Variants in PPP1R12A observed in about 807,000 individuals in gnomAD.
PPP1R12A encodes myosin binding subunit.
A neutral mutation model predicts 139.6 loss-of-function variants in PPP1R12A; 19 were observed. The ratio of observed to expected loss-of-function variants is 0.14; its 90% confidence interval spans 0.09 to 0.20. The LOEUF (loss-of-function observed/expected upper bound fraction) is 0.20, where lower values mean the gene tolerates loss of function less well. Among genes scored for constraint, PPP1R12A ranks in the 10% least tolerant of loss-of-function variants. The probability of loss-of-function intolerance (pLI) is 1.00; values close to 1 mark genes in which losing one functional copy is unlikely to be tolerated. For synonymous variants in PPP1R12A, 427 were observed against 420.6 expected (o/e 1.02, Z -0.19); for missense variants, 925 against 1,211.5 (o/e 0.76, Z 3.51).
At chr12:79,932,631 C>T (rs999159969) in intron 1 of PPP1R12A, among the ~76,000 whole-genome samples, 1 of 151,978 alleles carries the variant, frequency 6.6e-6, no homozygotes, top group Non-Finnish European at 1.5e-5. Context: ...AAACAAAATA[C>T]CCAATAAAGA....
intron 13 of PPP1R12A, 63 bp downstream of exon 13, chr12:79,806,102 CA>C (rs1873795779): frequency 7.3e-6 from 11 of 1,503,310 alleles, no homozygotes; most frequent in Non-Finnish European, 9.9e-6. Flanking sequence ...ATCTTCTAAA[CA>C]AAAACGCATG....
At position 79,773,919 on chromosome 12, in the gene PPP1R12A, C is replaced by T. The variant is rs769417798; in HGVS notation, c.*2010G>A. ...TAGTTTCATGCAGAAACAAGGTCTG[C>T]TCAATACTACCAATAAAATCAATAT... is the stretch of plus-strand genomic sequence containing the variant. On this transcript the variant is annotated 3_prime_UTR_variant, in exon 25 of 25. Transcript: ENST00000450142. 1 of 152,102 alleles carries T rather than the reference C, an allele frequency of 6.6e-6. No homozygotes were observed. The highest frequency in any genetic ancestry group is 2.1e-4 in the South Asian group (1 of 4,820). 9.4% of individuals were successfully genotyped at this position (152,102 alleles called of 1,614,324 possible). A position where few individuals can be genotyped will look rare whatever the true frequency, so the allele number is the denominator to read the frequency against.
chr12:79,880,488 T>C (rs1361607370), intron 1 of PPP1R12A, among the ~76,000 whole-genome samples: 2 of 152,214 alleles, frequency 1.3e-5, no homozygotes, highest in Non-Finnish European at 2.9e-5. Flanking sequence ...AAGACTGTAG[T>C]TGTACTACAG....
chr12:79,881,744 T>C (rs1883658679), intron 1 of PPP1R12A, among the ~76,000 whole-genome samples: 1 of 152,206 alleles, frequency 6.6e-6, no homozygotes, highest in Non-Finnish European at 1.5e-5. Context: ...AGCACTTTTA[T>C]AGCTTGAGAG....
At chr12:79,881,876 T>C (rs116230456) in intron 1 of PPP1R12A, among the ~76,000 whole-genome samples, 1 of 152,074 alleles carries the variant, frequency 6.6e-6, no homozygotes, top group Non-Finnish European at 1.5e-5. Flanking sequence ...AAATCCTAGG[T>C]CCCTTATGAA....
intron 1 of PPP1R12A, among the ~76,000 whole-genome samples, chr12:79,880,119 T>C (rs950160622): frequency 6.6e-6 from 1 of 152,198 alleles, no homozygotes; most frequent in African/African-American, 2.4e-5. Context: ...AAAGTATATA[T>C]GCCAAGATCG....
chr12:79,798,695 A>G (rs1033396805), intron 14 of PPP1R12A, 111 bp from the exon 15 acceptor site: 2 of 492,650 alleles, frequency 4.1e-6, no homozygotes, highest in African/African-American at 3.9e-5. Context: ...AGTAAGTTTT[A>G]AGGAAAAGTC....
chr12:79,844,190 T>A (rs1210539108), intron 3 of PPP1R12A, among the ~76,000 whole-genome samples: 1 of 152,208 alleles, frequency 6.6e-6, no homozygotes, highest in Non-Finnish European at 1.5e-5. Flanking sequence ...AATGAAACTC[T>A]GTGCCCGTTA....
chr12:79,820,694 A>T (rs1875996326), intron 8 of PPP1R12A, 80 bp downstream of exon 8: 5 of 1,495,334 alleles, frequency 3.3e-6, no homozygotes, highest in Non-Finnish European at 3.6e-6. Context: ...AGTCTGAAAA[A>T]TTTAAAAATT....
chr12:79,829,469 G>A (rs576634111), intron 4 of PPP1R12A, among the ~76,000 whole-genome samples: 4 of 152,134 alleles, frequency 2.6e-5, no homozygotes, highest in African/African-American at 7.2e-5. Flanking sequence ...ACCATCTGAA[G>A]GGCTTGTTTT....
chr12:79,892,813 G>A (rs1194914968), intron 1 of PPP1R12A, among the ~76,000 whole-genome samples: 2 of 152,088 alleles, frequency 1.3e-5, no homozygotes, highest in African/African-American at 4.8e-5. Context: ...GTTAATAAAT[G>A]CTCTTTGAGG....
intron 1 of PPP1R12A, among the ~76,000 whole-genome samples, chr12:79,930,003 T>A (rs1232385349): frequency 6.6e-6 from 1 of 152,200 alleles, no homozygotes; most frequent in Non-Finnish European, 1.5e-5. Context: ...GAGCATCTAC[T>A]ATGTGCTAGG....
rs189022906 is a variant in PPP1R12A, at chr12:79,814,441, C to T, written c.1239+2953G>A. 2.5e-3 allele frequency among the ~76,000 whole-genome samples: 328 copies of T among 132,520 alleles called. 2 individuals carry two copies. Among genetic ancestry groups the T allele is most frequent in the African/African-American group, 9.1e-3 (315 of 34,586 alleles). The allele number at this position is 132,520 out of a possible 152,430, so 86.9% of individuals were successfully genotyped here. A position where few individuals can be genotyped will look rare whatever the true frequency, so the allele number is the denominator to read the frequency against. ...GCAGTGAGCCGAGATCGTGCTACTGCACTCCAGCCTGGGCAACAGAGCAAG... is the reference window on the plus strand; with the variant it reads ...GCAGTGAGCCGAGATCGTGCTACTGTACTCCAGCCTGGGCAACAGAGCAAG... On this transcript the variant is annotated intron_variant, in intron 9 of 24. Coordinates refer to ENST00000450142, the MANE Select transcript of PPP1R12A (RefSeq NM_002480.3).
rs1277904772 is a variant in PPP1R12A, at chr12:79,903,894, TCTCC to T, written c.237+30797_237+30800del. ...TTTCCCCCTACTCAGTAACTCTACC[TCTCC>T]CTCCCAACACATTAGATATCTTCCT... On this transcript the variant is annotated intron_variant, in intron 1 of 24. Coordinates refer to ENST00000450142, the MANE Select transcript of PPP1R12A (RefSeq NM_002480.3). Among the ~76,000 whole-genome samples, 6 of 152,104 alleles carry T rather than the reference TCTCC, an allele frequency of 3.9e-5. No homozygotes were observed. The South Asian group carries it at 6.2e-4, about 16-fold the overall frequency.
At chr12:79,799,556 A>G (rs553212859) in intron 14 of PPP1R12A, among the ~76,000 whole-genome samples, 1 of 152,268 alleles carries the variant, frequency 6.6e-6, no homozygotes, top group South Asian at 2.1e-4. Flanking sequence ...TTATATATAA[A>G]CAGCTTTTAA....
At chr12:79,923,904 C>T (rs1002854733) in intron 1 of PPP1R12A, among the ~76,000 whole-genome samples, 1 of 151,892 alleles carries the variant, frequency 6.6e-6, no homozygotes, top group East Asian at 1.9e-4. Context: ...ATTAGCCGGG[C>T]GTGGTGGTGG....
intron 2 of PPP1R12A, among the ~76,000 whole-genome samples, chr12:79,847,994 G>T (rs780367983): frequency 6.6e-6 from 1 of 152,130 alleles, no homozygotes; most frequent in Non-Finnish European, 1.5e-5. Flanking sequence ...AAGAGATAGA[G>T]GAAGAGAGAT....
chr12:79,871,681 T>C (rs1882584445), intron 2 of PPP1R12A, among the ~76,000 whole-genome samples: 1 of 152,116 alleles, frequency 6.6e-6, no homozygotes, highest in Admixed American at 6.5e-5. Flanking sequence ...TAAAGATAAA[T>C]GCACAATTAT....
At chr12:79,882,898 G>C (rs941319127) in intron 1 of PPP1R12A, among the ~76,000 whole-genome samples, 2 of 152,154 alleles carry the variant, frequency 1.3e-5, no homozygotes, top group Non-Finnish European at 2.9e-5. Flanking sequence ...TAGCACTTTG[G>C]GAGGCCGAGG....
Sources: gnomAD v4.1 joint callset for allele counts (sites outside exome capture counted in the v4.1 genomes callset) on GRCh38, gnomAD v4.1.1 for gene constraint, MANE v1.5 for transcripts, NCBI Gene and HGNC (gene_info 2026-07-23, HGNC 2026-07-21) for gene names.